The following PRR5 variants were observed in gnomAD, a reference collection of about 807,000 sequenced individuals.
PRR5 encodes the protein proline-rich protein 5.
In PRR5, 25 loss-of-function variants were observed where a neutral mutation model predicts 30.6. That is an observed-to-expected ratio of 0.82 (90% CI 0.60 to 1.14). The LOEUF (loss-of-function observed/expected upper bound fraction) is 1.14, where lower values mean the gene tolerates loss of function less well. Ranked by LOEUF, PRR5 falls within the 50% of genes most tolerant of loss-of-function variation. The pLI is 0.00. For missense variants in PRR5, 600 were observed against 547.1 expected, an observed-to-expected ratio of 1.10 and a Z score of -0.96; for synonymous variants, 286 against 247.1, an observed-to-expected ratio of 1.16 and a Z score of -1.48.
At chr22:44,705,254 G>C (rs1178458655) in intron 1 of PRR5, among the ~76,000 whole-genome samples, 1 of 152,156 alleles carries the variant, frequency 6.6e-6, no homozygotes, top group East Asian at 1.9e-4. Flanking sequence ...GCTTGTGGCT[G>C]CATCACTCCA....
intron 1 of PRR5, among the ~76,000 whole-genome samples, chr22:44,680,389 A>C (rs1373775641): frequency 2.6e-5 from 4 of 152,066 alleles, no homozygotes; most frequent in African/African-American, 9.7e-5. Context: ...GTTTAGTGGA[A>C]GGAAAGGGGG....
chr22:44,728,985 G>A (rs1018266853), intron 4 of PRR5, among the ~76,000 whole-genome samples: 1 of 152,200 alleles, frequency 6.6e-6, no homozygotes, highest in Non-Finnish European at 1.5e-5. Flanking sequence ...TAGTTTGATG[G>A]CCTGTGTGTG....
chr22:44,701,875 C>T (rs1344969075), upstream of PRR5, among the ~76,000 whole-genome samples: 1 of 152,074 alleles, frequency 6.6e-6, no homozygotes, highest in East Asian at 1.9e-4. Flanking sequence ...AGGGAGACCT[C>T]CGGGGCCGGG....
At chr22:44,706,261 T>A (rs1927182118) in intron 1 of PRR5, among the ~76,000 whole-genome samples, 1 of 152,212 alleles carries the variant, frequency 6.6e-6, no homozygotes, top group Non-Finnish European at 1.5e-5. Context: ...ATTGATTGAT[T>A]GATTCATTCA....
chr22:44,674,160 CTT>C (rs879281909), upstream of PRR5, among the ~76,000 whole-genome samples: 8 of 142,406 alleles, frequency 5.6e-5, no homozygotes, highest in Admixed American at 7.1e-5. Context: ...GTTTTCTTTT[CTT>C]TTTTTTTTTT....
chr22:44,704,050 C>T (rs1332764611), intron 1 of PRR5, among the ~76,000 whole-genome samples: 2 of 152,210 alleles, frequency 1.3e-5, no homozygotes, highest in Non-Finnish European at 2.9e-5. Context: ...CCTCAATTTC[C>T]TTATCCATAA....
chr22:44,688,308 T>C (rs1254590351), intron 1 of PRR5, among the ~76,000 whole-genome samples: 1 of 151,834 alleles, frequency 6.6e-6, no homozygotes, highest in Non-Finnish European at 1.5e-5. Flanking sequence ...CGCTTGAACC[T>C]GGGAGGCGGA....
intron 4 of PRR5, among the ~76,000 whole-genome samples, chr22:44,728,871 C>G (rs951924300): frequency 6.6e-6 from 1 of 152,220 alleles, no homozygotes; most frequent in African/African-American, 2.4e-5. Flanking sequence ...ACTTCAGCCC[C>G]TGGGCAGAGC....
intron 4 of PRR5, among the ~76,000 whole-genome samples, chr22:44,726,917 C>T (rs1920973548): frequency 6.6e-6 from 1 of 152,194 alleles, no homozygotes; most frequent in South Asian, 2.1e-4. Flanking sequence ...GACTTTCTGG[C>T]CCTAGTGAGC....
intron 1 of PRR5, among the ~76,000 whole-genome samples, chr22:44,705,189 G>A (rs953616300): frequency 5.3e-5 from 8 of 152,134 alleles, no homozygotes; most frequent in Admixed American, 6.5e-5. Flanking sequence ...TCCAGGTGTC[G>A]CTCCCACCAG....
Position 44,730,004 on chromosome 22 carries a change from C to T in PRR5, c.323-1726C>T, listed in dbSNP as rs1038331856. On this transcript the variant is annotated intron_variant, in intron 4 of 7. Transcript: ENST00000336985. ...CATTCCTGCTGGCCCCCATCACCCTCAGAGCCAGGTTTGGGCTACCCGGGT... is the reference window on the plus strand; with the variant it reads ...CATTCCTGCTGGCCCCCATCACCCTTAGAGCCAGGTTTGGGCTACCCGGGT... The T allele has an allele frequency of 4.1e-6, 4 of 985,338 alleles. No homozygotes were observed. The African/African-American group carries it at 7.0e-5, about 17-fold the overall frequency. The allele number at this position is 985,338 out of a possible 1,614,324, so 61.0% of individuals were successfully genotyped here.
Position 44,702,443 on chromosome 22 carries a change from G to T in PRR5, c.-32G>T. ...TGGCGCAGGGCGCGGCGTGGGGCGCGCGTGGGCGCGGCGCAGGCGGCCCGG... is the reference window on the plus strand; with the variant it reads ...TGGCGCAGGGCGCGGCGTGGGGCGCTCGTGGGCGCGGCGCAGGCGGCCCGG... On this transcript the variant is annotated 5_prime_UTR_variant, in exon 1 of 8. Coordinates refer to ENST00000336985, the MANE Select transcript of PRR5 (RefSeq NM_181333.4). The T allele has an allele frequency of 7.7e-7, 1 of 1,301,206 alleles. No homozygotes were observed. The allele number at this position is 1,301,206 out of a possible 1,614,324, so 80.6% of individuals were successfully genotyped here.
chr22:44,736,797 C>G lies in PRR5; in HGVS notation c.717C>G (p.Arg239=). The part of the protein sequence containing the change: ...ILEKRLLRRS[R]SGDVLAKNPV... ...AAAAGCGCCTCCTCCGCCGCTCCCG[C>G]TCGGGGGACGTGCTGGCCAAGAACC... The change falls in exon 8 of 8, where the codon CGC becomes CGG. Residue 239 remains arginine, a synonymous_variant. Transcript: ENST00000336985. The G allele has an allele frequency of 6.4e-7, 1 of 1,565,238 alleles. No homozygotes were observed. Among genetic ancestry groups the G allele is most frequent in the Non-Finnish European group, 8.7e-7 (1 of 1,149,564 alleles).
At position 44,737,366 on chromosome 22, in the gene PRR5, C is replaced by G; in HGVS notation, c.*119C>G. 2.1e-6 allele frequency: 3 copies of G among 1,428,176 alleles called. No individual in the cohort carries two copies. The Admixed American group carries it at 8.3e-5, about 39-fold the overall frequency. 88.5% of individuals were successfully genotyped at this position (1,428,176 alleles called of 1,614,324 possible). On this transcript the variant is annotated 3_prime_UTR_variant, in exon 8 of 8. Transcript: ENST00000336985. ...CCCGTCCCGCCAGCCCTATCGGCCT[C>G]GTCACTGGCCTTGGTCACTTTGTAT...
chr22:44,678,564 C>G (rs1424866686), intron 1 of PRR5, among the ~76,000 whole-genome samples: 1 of 152,174 alleles, frequency 6.6e-6, no homozygotes, highest in Non-Finnish European at 1.5e-5. Flanking sequence ...ATCCACCCGC[C>G]TCTGCCCCCC....
intron 4 of PRR5, chr22:44,731,099 TAGG>T (rs1404757017): frequency 6.7e-6 from 2 of 296,964 alleles, no homozygotes; most frequent in South Asian, 3.2e-5. Context: ...GCCGGGTTGT[TAGG>T]AGGATCTGAT....
Position 44,735,052 on chromosome 22 carries a change from C to G in PRR5, c.581C>G (p.Thr194Ser). 1 of 1,612,720 alleles carries G rather than the reference C, an allele frequency of 6.2e-7. No homozygotes were observed. Among genetic ancestry groups the G allele is most frequent in the Non-Finnish European group, 8.5e-7 (1 of 1,179,462 alleles). ...GGGGTACATGAGTCCAGGGGCGTGA[C>G]TGAGGACTACCTGCGCCTGGAGACG... ...LQGVHESRGV[T>S]EDYLRLETLV... The change falls in exon 7 of 8, where the codon ACT (threonine) becomes AGT (serine). Residue 194 changes from threonine to serine, a missense_variant. By Grantham distance (58) the Thr-to-Ser change is moderately conservative. Transcript: ENST00000336985.
intron 1 of PRR5, among the ~76,000 whole-genome samples, chr22:44,695,204 G>T (rs1317586025): frequency 2.0e-5 from 3 of 152,070 alleles, no homozygotes; most frequent in African/African-American, 7.2e-5. Flanking sequence ...GGAGAGAGGG[G>T]CTGTCTACAA....
At chr22:44,715,189 C>T (rs985817263) in intron 2 of PRR5, among the ~76,000 whole-genome samples, 2 of 152,150 alleles carry the variant, frequency 1.3e-5, no homozygotes, top group Non-Finnish European at 2.9e-5. Flanking sequence ...TGCCCCAAGC[C>T]AGGTGGCAGG....
Sources: gnomAD v4.1 joint callset for allele counts (sites outside exome capture counted in the v4.1 genomes callset) on GRCh38, gnomAD v4.1.1 for gene constraint, MANE v1.5 for transcripts, NCBI Gene and HGNC (gene_info 2026-07-23, HGNC 2026-07-21) for gene names.